MEI4: variants seen among roughly 807,000 people sequenced by gnomAD.
MEI4 encodes the protein meiotic double-stranded break formation protein 4.
MEI4 carries 27 observed loss-of-function variants against 31.4 expected under a neutral mutation model. The ratio of observed to expected loss-of-function variants is 0.86; its 90% CI spans 0.63 to 1.19. The LOEUF (loss-of-function observed/expected upper bound fraction) is 1.19, where lower values mean the gene tolerates loss of function less well. MEI4 is among the 50% of genes most tolerant of loss of function. The pLI is 0.00. For missense variants in MEI4, 329 were observed against 398.9 expected, an observed-to-expected ratio of 0.82 and a Z score of 1.49; for synonymous variants, 122 against 145.4, an observed-to-expected ratio of 0.84 and a Z score of 1.16.
chr6:77,829,520 G>C (rs887729791), intron 4 of MEI4, among the ~76,000 whole-genome samples: 1 of 152,082 alleles, frequency 6.6e-6, no homozygotes, highest in African/African-American at 2.4e-5. Flanking sequence ...ATTACATAGA[G>C]GTCTCTGAAT....
intron 2 of MEI4, among the ~76,000 whole-genome samples, chr6:77,753,834 A>T (rs942768116): frequency 6.6e-6 from 1 of 152,216 alleles, no homozygotes; most frequent in Non-Finnish European, 1.5e-5. Context: ...CACAATAGCA[A>T]AGACTTGGAA....
At chr6:77,672,116 C>T (rs916107482) in intron 1 of MEI4, among the ~76,000 whole-genome samples, 4 of 152,090 alleles carry the variant, frequency 2.6e-5, no homozygotes, top group African/African-American at 4.8e-5. Flanking sequence ...TTTCTACTGG[C>T]GGGCGAAGAG....
intron 4 of MEI4, among the ~76,000 whole-genome samples, chr6:77,849,815 T>C (rs1770573510): frequency 6.6e-6 from 1 of 152,176 alleles, no homozygotes; most frequent in South Asian, 2.1e-4. Flanking sequence ...GATGTCAATA[T>C]GTCACTTTTT....
At chr6:77,746,856 C>A (rs993118524) in intron 2 of MEI4, among the ~76,000 whole-genome samples, 1 of 151,992 alleles carries the variant, frequency 6.6e-6, no homozygotes, top group Non-Finnish European at 1.5e-5. Flanking sequence ...CTGAAATGGA[C>A]AACACGTAGG....
intron 3 of MEI4, among the ~76,000 whole-genome samples, chr6:77,778,366 T>C (rs1324507976): frequency 6.6e-6 from 1 of 152,008 alleles, no homozygotes; most frequent in Middle Eastern, 3.2e-3. Flanking sequence ...ATAAATGTTA[T>C]AAAACTATCC....
At chr6:77,733,783 C>T (rs141334876) in intron 2 of MEI4, among the ~76,000 whole-genome samples, 1 of 152,028 alleles carries the variant, frequency 6.6e-6, no homozygotes, top group African/African-American at 2.4e-5. Flanking sequence ...AAATTTCCCT[C>T]TACACAGTGC....
upstream of MEI4, among the ~76,000 whole-genome samples, chr6:77,650,660 T>A (rs1170751667): frequency 1.3e-5 from 2 of 152,254 alleles, no homozygotes; most frequent in African/African-American, 4.8e-5. Flanking sequence ...GGACCACTCG[T>A]CCCTTTCACG....
intron 4 of MEI4, among the ~76,000 whole-genome samples, chr6:77,871,225 T>C (rs1217930558): frequency 6.6e-6 from 1 of 152,142 alleles, no homozygotes; most frequent in Non-Finnish European, 1.5e-5. Flanking sequence ...TTCAGGACCA[T>C]AGAGCAAGTG....
chr6:77,706,056 C>G (rs1419315901), intron 2 of MEI4, among the ~76,000 whole-genome samples: 4 of 152,124 alleles, frequency 2.6e-5, no homozygotes, highest in African/African-American at 9.7e-5. Context: ...TTCTGACCTT[C>G]TCCCCTTCTT....
At chr6:77,660,087 C>T (rs565696745) in intron 1 of MEI4, among the ~76,000 whole-genome samples, 9 of 152,122 alleles carry the variant, frequency 5.9e-5, no homozygotes, top group South Asian at 4.2e-4. Flanking sequence ...AAAGGAAGTT[C>T]GGAGGTGTAG....
chr6:77,801,066 G>A (rs2127700408), intron 3 of MEI4, among the ~76,000 whole-genome samples: 1 of 152,312 alleles, frequency 6.6e-6, no homozygotes, highest in East Asian at 1.9e-4. Flanking sequence ...CAGAAGGAAT[G>A]GTACCAGCTC....
chr6:77,892,894 G>A (rs1055502098), intron 4 of MEI4, among the ~76,000 whole-genome samples: 6 of 151,962 alleles, frequency 3.9e-5, no homozygotes, highest in African/African-American at 1.2e-4. Flanking sequence ...TGTGGGACCC[G>A]TAACAATGGA....
chr6:77,902,876 C>T (rs1375720410), intron 4 of MEI4, among the ~76,000 whole-genome samples: 4 of 152,066 alleles, frequency 2.6e-5, no homozygotes, highest in Admixed American at 2.6e-4. Context: ...TGTATAAAAC[C>T]AAACTGTGTT....
chr6:77,762,349 G>A (rs1315097675), intron 3 of MEI4, among the ~76,000 whole-genome samples: 1 of 152,132 alleles, frequency 6.6e-6, no homozygotes, highest in African/African-American at 2.4e-5. Context: ...ATAACCTGAA[G>A]TTGTTTTGTT....
At chr6:77,799,018 T>C (rs1769167795) in intron 3 of MEI4, among the ~76,000 whole-genome samples, 1 of 152,120 alleles carries the variant, frequency 6.6e-6, no homozygotes, top group Non-Finnish European at 1.5e-5. Flanking sequence ...AGTAATGGGA[T>C]TGCTGGGTCA....
At position 77,880,886 on chromosome 6, in the gene MEI4, TA is replaced by T. The variant is rs397946655; in HGVS notation, c.901-42191del. On this transcript the variant is annotated intron_variant, in intron 4 of 4. Coordinates refer to ENST00000684080, the MANE Select transcript of MEI4 (RefSeq NM_001322247.2). ...TGAAGTAGTCTTTTAGCTCTGGATCTAAAAAAAAAAAATTAGGTTCTACATA... is the reference window on the plus strand; with the variant it reads ...TGAAGTAGTCTTTTAGCTCTGGATCTAAAAAAAAAAATTAGGTTCTACATA... Among the ~76,000 whole-genome samples the T allele has an allele frequency of 6.5e-3, 953 of 145,594 alleles. 2 individuals carry two copies. Among genetic ancestry groups the T allele is most frequent in the Middle Eastern group, 0.018 (5 of 280 alleles).
intron 2 of MEI4, among the ~76,000 whole-genome samples, chr6:77,745,878 C>G (rs1257178160): frequency 1.3e-5 from 2 of 152,086 alleles, no homozygotes; most frequent in South Asian, 4.1e-4. Context: ...CTACTGGGTA[C>G]ATAATGAAAT....
chr6:77,739,433 T>C (rs535830825), intron 2 of MEI4, among the ~76,000 whole-genome samples: 4 of 152,168 alleles, frequency 2.6e-5, no homozygotes, highest in Non-Finnish European at 5.9e-5. Context: ...GGGACATGGA[T>C]GAACCTGGAA....
chr6:77,890,470 C>T (rs1771733069), intron 4 of MEI4, among the ~76,000 whole-genome samples: 1 of 152,200 alleles, frequency 6.6e-6, no homozygotes, highest in South Asian at 2.1e-4. Context: ...CCTGTACCCC[C>T]ATTGCTTACA....
Sources: allele counts gnomAD v4.1 joint callset (sites outside exome capture counted in the v4.1 genomes callset), GRCh38; gene constraint gnomAD v4.1.1; transcripts MANE v1.5; gene names NCBI Gene and HGNC (gene_info 2026-07-23, HGNC 2026-07-21).